The following MCTP1 variants were observed in gnomAD, a reference collection of about 807,000 sequenced individuals.
MCTP1 encodes the protein multiple C2 and transmembrane domain-containing protein 1.
Under a neutral mutation model 120.6 loss-of-function variants are expected in MCTP1, and 69 were observed. That is an observed-to-expected ratio of 0.57 (90% CI 0.47 to 0.70). The LOEUF (loss-of-function observed/expected upper bound fraction) is 0.70. MCTP1 is among the 30% of genes least tolerant of loss of function. MCTP1 has a pLI of 0.00. For synonymous variants in MCTP1, 529 were observed against 493.1 expected (o/e 1.07, Z -0.96); for missense variants, 1,203 against 1,248.8 (o/e 0.96, Z 0.55).
At chr5:94,860,460 A>G (rs909642251) in intron 17 of MCTP1, among the ~76,000 whole-genome samples, 5 of 151,724 alleles carry the variant, frequency 3.3e-5, no homozygotes, top group African/African-American at 1.2e-4. Context: ...CATAAGAGAG[A>G]AGATAAAATT....
chr5:94,885,816 C>G lies in MCTP1; in HGVS notation c.1933+3063G>C, dbSNP rs189218940. Among the ~76,000 whole-genome samples, 43 of 152,176 alleles carry G rather than the reference C, an allele frequency of 2.8e-4. No individual in the cohort carries two copies. In the East Asian group the frequency reaches 7.3e-3, roughly 26 times the overall value. ...TCAGTGACTCAAATTTTTTCCCTTA[C>G]GAAGAATTTAGCTGACCAACTTTTC... On this transcript the variant is annotated intron_variant, in intron 12 of 22. Transcript: ENST00000515393.
chr5:95,065,392 C>T (rs1187222405), intron 1 of MCTP1, among the ~76,000 whole-genome samples: 5 of 151,712 alleles, frequency 3.3e-5, no homozygotes, highest in Admixed American at 2.0e-4. Context: ...AATCCAGAAA[C>T]ATATATAAAT....
At chr5:95,214,457 C>T (rs1177550517) in intron 1 of MCTP1, among the ~76,000 whole-genome samples, 3 of 151,948 alleles carry the variant, frequency 2.0e-5, no homozygotes, top group Admixed American at 6.6e-5. Context: ...GTCAGGGTGG[C>T]GATTCCTCAG....
At chr5:94,729,717 T>C (rs1445139062) in intron 19 of MCTP1, among the ~76,000 whole-genome samples, 1 of 152,154 alleles carries the variant, frequency 6.6e-6, no homozygotes, top group African/African-American at 2.4e-5. Flanking sequence ...AAACTCAACT[T>C]GCTTGAGGAA....
At chr5:94,946,999 C>T (rs1819103165) in intron 3 of MCTP1, among the ~76,000 whole-genome samples, 2 of 152,130 alleles carry the variant, frequency 1.3e-5, no homozygotes, top group Admixed American at 6.5e-5. Flanking sequence ...GATGGAACAG[C>T]CTCGTTTATT....
At chr5:95,203,142 G>A (rs1751256507) in intron 1 of MCTP1, among the ~76,000 whole-genome samples, 1 of 152,144 alleles carries the variant, frequency 6.6e-6, no homozygotes. Flanking sequence ...ACATTCACCT[G>A]ACTGAACAAT....
At chr5:94,877,488 C>T (rs939922936) in intron 12 of MCTP1, 1 of 151,974 alleles carries the variant, frequency 6.6e-6, no homozygotes, top group African/African-American at 2.4e-5. Context: ...GAATTTAAAG[C>T]ATATATTCTA....
chr5:95,269,772 C>A (rs460102), intron 1 of MCTP1, among the ~76,000 whole-genome samples: 130,736 of 152,240 alleles, frequency 0.86, 56,270 homozygotes, highest in African/African-American at 0.92. Context: ...CACTTACTAA[C>A]TATGGACAAA....
At chr5:95,099,765 A>G (rs1220245339) in intron 1 of MCTP1, among the ~76,000 whole-genome samples, 1 of 151,146 alleles carries the variant, frequency 6.6e-6, no homozygotes, top group African/African-American at 2.4e-5. Flanking sequence ...CAGCCATCCC[A>G]TTACTGGGTA....
At chr5:94,851,445 T>C (rs558660649) in intron 17 of MCTP1, among the ~76,000 whole-genome samples, 4 of 152,108 alleles carry the variant, frequency 2.6e-5, no homozygotes, top group African/African-American at 7.2e-5. Context: ...CTGGCAACAT[T>C]TTTAAAGGCA....
chr5:94,819,135 T>TTCATTCA (rs1561688535), intron 17 of MCTP1, among the ~76,000 whole-genome samples: 5 of 81,046 alleles, frequency 6.2e-5, no homozygotes, highest in African/African-American at 1.4e-4. Flanking sequence ...TCATTCATTC[T>TTCATTCA]TTCATTCATT....
intron 7 of MCTP1, among the ~76,000 whole-genome samples, chr5:94,922,378 G>A (rs1324028292): frequency 6.6e-6 from 1 of 152,158 alleles, no homozygotes; most frequent in Non-Finnish European, 1.5e-5. Flanking sequence ...GTTCGCCCTG[G>A]TGACAAATCT....
At chr5:95,140,423 A>G (rs1759810120) in intron 1 of MCTP1, among the ~76,000 whole-genome samples, 1 of 152,186 alleles carries the variant, frequency 6.6e-6, no homozygotes, top group East Asian at 1.9e-4. Flanking sequence ...CATTTTCATC[A>G]AACAGCAAAT....
intron 18 of MCTP1, among the ~76,000 whole-genome samples, chr5:94,791,600 G>A (rs1205607312): frequency 6.6e-6 from 1 of 152,034 alleles, no homozygotes; most frequent in Non-Finnish European, 1.5e-5. Context: ...CAGATATGTT[G>A]CAGAATAAAA....
At chr5:95,257,783 G>A (rs1429301388) in intron 1 of MCTP1, among the ~76,000 whole-genome samples, 2 of 17,076 alleles carry the variant, frequency 1.2e-4, no homozygotes, top group Non-Finnish European at 2.0e-4. Context: ...GGAAGGAAGT[G>A]CTCCAGAAAA....
intron 7 of MCTP1, 54 bp from the exon 8 acceptor site, chr5:94,918,027 A>G: frequency 7.4e-7 from 1 of 1,346,704 alleles, no homozygotes; most frequent in South Asian, 1.2e-5. Flanking sequence ...ACCATTCTCA[A>G]CCCCTCATTT....
intron 1 of MCTP1, among the ~76,000 whole-genome samples, chr5:95,179,922 C>G (rs1027741359): frequency 2.6e-5 from 4 of 152,102 alleles, no homozygotes; most frequent in Non-Finnish European, 5.9e-5. Flanking sequence ...TAGGAACTCA[C>G]ATAAACTTAA....
intron 3 of MCTP1, among the ~76,000 whole-genome samples, chr5:94,949,453 G>T (rs1336152938): frequency 6.6e-6 from 1 of 151,908 alleles, no homozygotes; most frequent in Admixed American, 6.6e-5. Flanking sequence ...CACCTGCACA[G>T]AAAATGCTCT....
chr5:95,118,035 G>T (rs968845781), intron 1 of MCTP1, among the ~76,000 whole-genome samples: 1 of 152,124 alleles, frequency 6.6e-6, no homozygotes, highest in African/African-American at 2.4e-5. Context: ...TGAGGTGGAG[G>T]GAGGGAGAGC....
Sources: allele counts gnomAD v4.1 joint callset (sites outside exome capture counted in the v4.1 genomes callset), GRCh38; gene constraint gnomAD v4.1.1; transcripts MANE v1.5; gene names NCBI Gene and HGNC (gene_info 2026-07-23, HGNC 2026-07-21).